Variants in EIF2D observed in about 807,000 individuals in gnomAD.
EIF2D encodes hepatocellular carcinoma-associated antigen 56.
A neutral mutation model predicts 77.4 loss-of-function variants in EIF2D; 56 were observed. That is an observed-to-expected ratio of 0.72 (90% CI 0.58 to 0.90). The LOEUF (loss-of-function observed/expected upper bound fraction) is 0.90, where lower values mean the gene tolerates loss of function less well. EIF2D is among the 40% of genes least tolerant of loss of function. The pLI is 0.00. For synonymous variants in EIF2D, 230 were observed against 271.0 expected (o/e 0.85, Z 1.49); for missense variants, 574 against 706.5 (o/e 0.81, Z 2.13).
intron 7 of EIF2D, chr1:206,602,076 A>C: frequency 1.2e-5 from 5 of 413,430 alleles, no homozygotes; most frequent in East Asian, 4.3e-5. Context: ...TGTTCACAGA[A>C]TCTCAGGAAT....
rs112458385 is a variant in EIF2D, at chr1:206,591,867, C to T, written c.1685-22G>A. 14 of 1,613,740 alleles carry T rather than the reference C, an allele frequency of 8.7e-6. No homozygotes were observed. In the Admixed American group the frequency reaches 1.7e-4, roughly 19 times the overall value. ...TCTTCTACAATCCAAAAAGCACACA[C>T]TCCTCAGCGGAGCATGACCTTGCTC... On this transcript the variant is annotated intron_variant, in intron 14 of 14. Transcript: ENST00000271764.
chr1:206,612,462 A>C lies in EIF2D; in HGVS notation c.-120T>G. 7.5e-7 allele frequency: 1 copy of C among 1,328,728 alleles called. No individual in the cohort carries two copies. The highest frequency in any genetic ancestry group is 1.1e-6 in the Non-Finnish European group (1 of 937,652). 82.3% of individuals were successfully genotyped at this position (1,328,728 alleles called of 1,614,324 possible). A position where few individuals can be genotyped will look rare whatever the true frequency, so the allele number is the denominator to read the frequency against. ...AGCCATGCTGGGGCCCGGCCGCGAA[A>C]AGGGCCCGGCTGGAAACCAGGGCCG... On this transcript the variant is annotated 5_prime_UTR_variant, in exon 1 of 15. Transcript: ENST00000271764.
At chr1:206,611,723 GT>G (rs1670505799) in intron 1 of EIF2D, among the ~76,000 whole-genome samples, 1 of 152,202 alleles carries the variant, frequency 6.6e-6, no homozygotes, top group Non-Finnish European at 1.5e-5. Flanking sequence ...AAATATGCCA[GT>G]TTATGATTAA....
rs1668806009 is a variant in EIF2D, at chr1:206,579,993, A to G, written c.*254+699T>C. Among the ~76,000 whole-genome samples the G allele has an allele frequency of 6.6e-6, 1 of 152,182 alleles. No homozygotes were observed. Among genetic ancestry groups the G allele is most frequent in the Non-Finnish European group, 1.5e-5 (1 of 68,026 alleles). On this transcript the variant is annotated intron_variant and NMD_transcript_variant, in intron 4 of 5. Transcript: ENST00000472709. This position sits in a 1 kb window ranked among gnomAD's most constrained non-coding sequence, Gnocchi z 4.2. ...GTGACATTCGTAGTGTTGGCTACAC[A>G]CGGGGCTCCTGGCACTCCCAGACAG...
chr1:206,584,695 G>C lies in EIF2D; in HGVS notation c.139-3533C>G, dbSNP rs370898662. On this transcript the variant is annotated intron_variant and NMD_transcript_variant, in intron 2 of 5. Coordinates refer to the EIF2D transcript ENST00000472709. The surrounding 1 kb of genome is among the most constrained non-coding windows in gnomAD (Gnocchi z 4.9). ...ACAAGGACGGACAAGGTAGGAGAAA[G>C]AGTGAACCCAACCAGACCGTTCCCT... is the stretch of plus-strand genomic sequence containing the variant. 2 of 1,614,022 alleles carry C rather than the reference G, an allele frequency of 1.2e-6. No individual in the cohort carries two copies. The highest frequency in any genetic ancestry group is 1.7e-5 in the Admixed American group (1 of 60,008).
chr1:206,587,123 C>T, downstream of EIF2D: 1 of 1,048,350 alleles, frequency 9.5e-7, no homozygotes, highest in Non-Finnish European at 1.4e-6. Context: ...AAAGTCTCTT[C>T]CATGGACAAG....
At chr1:206,590,648 G>A (rs1180775619), downstream of EIF2D, among the ~76,000 whole-genome samples, 1 of 152,056 alleles carries the variant, frequency 6.6e-6, no homozygotes, top group Admixed American at 6.5e-5. Flanking sequence ...GTCTATTCTG[G>A]GCCTGATAAC....
At chr1:206,593,240 A>G (rs1005618589) in intron 14 of EIF2D, among the ~76,000 whole-genome samples, 13 of 152,222 alleles carry the variant, frequency 8.5e-5, no homozygotes, top group Non-Finnish European at 1.9e-4. Flanking sequence ...TGCAAAACAG[A>G]TAACAGCTCT....
rs1183094131 is a variant in EIF2D at position 206,612,365 on chromosome 1, A to G, written c.-23T>C. ...CATGTCTGCTGGGGTGGCCTGGGGA[A>G]GAGAGCACAGAAGCCAGGGAATGTC... is the stretch of plus-strand genomic sequence containing the variant. On this transcript the variant is annotated 5_prime_UTR_variant, in exon 1 of 15. Coordinates refer to ENST00000271764, the MANE Select transcript of EIF2D (RefSeq NM_006893.3). 1.2e-6 allele frequency: 2 copies of G among 1,614,102 alleles called. No individual in the cohort carries two copies. The highest frequency in any genetic ancestry group is 1.7e-6 in the Non-Finnish European group (2 of 1,180,020).
chr1:206,602,050 C>T (rs987932812), intron 7 of EIF2D: 4 of 354,682 alleles, frequency 1.1e-5, no homozygotes, highest in Non-Finnish European at 1.6e-5. Context: ...GCCCAGAACC[C>T]CCACGGCAGA....
chr1:206,571,195 T>C (rs1349291640), downstream of EIF2D: 6 of 152,206 alleles, frequency 3.9e-5, no homozygotes, highest in Non-Finnish European at 5.9e-5. Context: ...ATTAGTGATA[T>C]TGAGCATTTT....
chr1:206,591,866 ACTC>A, intron 14 of EIF2D, 21 bp from the exon 15 acceptor site: 1 of 1,613,362 alleles, frequency 6.2e-7, no homozygotes, highest in Non-Finnish European at 8.5e-7. Flanking sequence ...AAAAGCACAC[ACTC>A]CTCAGCGGAG....
downstream of EIF2D, among the ~76,000 whole-genome samples, chr1:206,570,968 G>A (rs1388351921): frequency 6.6e-6 from 1 of 152,098 alleles, no homozygotes; most frequent in Non-Finnish European, 1.5e-5. Flanking sequence ...TGTAATTGCT[G>A]GATCACATGG....
intron 1 of EIF2D, 121 bp from the exon 2 acceptor site, chr1:206,611,495 T>A: frequency 1.4e-6 from 1 of 740,488 alleles, no homozygotes; most frequent in Non-Finnish European, 2.2e-6. Flanking sequence ...GCCTGGTTTA[T>A]GATGTCCTAG....
chr1:206,595,795 C>T lies in EIF2D; in HGVS notation c.1432G>A (p.Gly478Arg), dbSNP rs151278422. The T allele has an allele frequency of 9.5e-5, 154 of 1,614,118 alleles. No homozygotes were observed. The highest frequency in any genetic ancestry group is 8.2e-4 in the East Asian group (37 of 44,878). The change falls in exon 13 of 15, where the codon GGA (glycine) becomes AGA (arginine). Residue 478 changes from glycine to arginine, a missense_variant. Physicochemically the swap from Gly to Arg is moderately radical, Grantham distance 125. Coordinates refer to ENST00000271764, the MANE Select transcript of EIF2D (RefSeq NM_006893.3). Reference protein sequence around the residue: ...LQPAYQVTLPGQEPIVKKGRI... With the variant: ...LQPAYQVTLPRQEPIVKKGRI... ...CCTTTCTTCACAATGGGCTCTTGTC[C>T]GGGAAGGGTCACTTGATAGGCAGGC...
Position 206,599,103 on chromosome 1 carries a change from A to C in EIF2D, c.1203-11T>G. The C allele has an allele frequency of 6.2e-7, 1 of 1,613,574 alleles. No homozygotes were observed. Among genetic ancestry groups the C allele is most frequent in the East Asian group, 2.2e-5 (1 of 44,868 alleles). ...AGAAAGCTCCCCTTCCTAGGTGAGGAGAAGTGACCCAGGGGTTAGTTCATG... is the reference window on the plus strand; with the variant it reads ...AGAAAGCTCCCCTTCCTAGGTGAGGCGAAGTGACCCAGGGGTTAGTTCATG... On this transcript the variant is annotated splice_polypyrimidine_tract_variant and intron_variant, in intron 10 of 14. Coordinates refer to ENST00000271764, the MANE Select transcript of EIF2D (RefSeq NM_006893.3). This position sits in a 1 kb window ranked among gnomAD's most constrained non-coding sequence, Gnocchi z 4.1.
rs59286399 is a variant in EIF2D, at chr1:206,593,486, A to AGAGAGC, written c.1684+132_1684+133insGCTCTC. 2.9e-4 allele frequency: 139 copies of AGAGAGC among 479,238 alleles called. 4 individuals are homozygous for AGAGAGC. The highest frequency in any genetic ancestry group is 1.9e-3 in the South Asian group (35 of 18,230). The allele number at this position is 479,238 out of a possible 1,614,324, so 29.7% of individuals were successfully genotyped here. A position where few individuals can be genotyped will look rare whatever the true frequency, so the allele number is the denominator to read the frequency against. On this transcript the variant is annotated intron_variant, in intron 14 of 14. Transcript: ENST00000271764. ...TAAATGGAGAGAGAGAGAGAGAGAG[A>AGAGAGC]GCGAGAGAGAGAGAGAGAGAGAGTG...
rs1553410259 is a variant in EIF2D, at chr1:206,597,082, A to C, written c.1388+18T>G. 1.3e-6 allele frequency: 2 copies of C among 1,599,516 alleles called. No homozygotes were observed. Among genetic ancestry groups the C allele is most frequent in the Non-Finnish European group, 1.7e-6 (2 of 1,166,962 alleles). On this transcript the variant is annotated intron_variant, in intron 12 of 14. Transcript: ENST00000271764. ...GAGGGGATAGAAAAGTTGGAGAGGG[A>C]CTGCCAATGCTCGTTACCTGGTCAG...
chr1:206,584,653 A>C lies in EIF2D; in HGVS notation c.139-3491T>G. 1 of 1,614,232 alleles carries C rather than the reference A, an allele frequency of 6.2e-7. No homozygotes were observed. Among genetic ancestry groups the C allele is most frequent in the Non-Finnish European group, 8.5e-7 (1 of 1,180,044 alleles). On this transcript the variant is annotated intron_variant and NMD_transcript_variant, in intron 2 of 5. Transcript: ENST00000472709. This position sits in a 1 kb window ranked among gnomAD's most constrained non-coding sequence, Gnocchi z 4.9. ...TTGTGGACAATCCCCAGAAGTTTGCACTTTTTAAGCGGATACACAAGGACG... is the reference window on the plus strand; with the variant it reads ...TTGTGGACAATCCCCAGAAGTTTGCCCTTTTTAAGCGGATACACAAGGACG...
Sources: gnomAD v4.1 joint callset for allele counts (sites outside exome capture counted in the v4.1 genomes callset) on GRCh38, gnomAD v4.1.1 for gene constraint, Gnocchi (gnomAD v3.1) non-coding constraint, MANE v1.5 for transcripts, NCBI Gene and HGNC (gene_info 2026-07-23, HGNC 2026-07-21) for gene names.